ZNF362: variants seen among roughly 807,000 people sequenced by gnomAD.
ZNF362 encodes the protein rotund homolog.
In ZNF362, 11 loss-of-function variants were observed where a neutral mutation model predicts 42.9. The ratio of observed to expected loss-of-function variants is 0.26; its 90% CI spans 0.16 to 0.42. The LOEUF (loss-of-function observed/expected upper bound fraction) is 0.42. ZNF362 is among the 20% of genes least tolerant of loss of function. ZNF362 has a pLI of 1.00. For missense variants in ZNF362, 362 were observed against 576.2 expected, an observed-to-expected ratio of 0.63 and a Z score of 3.81; for synonymous variants, 255 against 257.3, an observed-to-expected ratio of 0.99 and a Z score of 0.09.
At chr1:33,293,680 T>A (rs965599225) in intron 6 of ZNF362, among the ~76,000 whole-genome samples, 2 of 152,178 alleles carry the variant, frequency 1.3e-5, no homozygotes, top group African/African-American at 4.8e-5. Flanking sequence ...ATTTCATTGC[T>A]CACCTGCTTG....
intron 6 of ZNF362, among the ~76,000 whole-genome samples, chr1:33,284,339 G>A (rs540222638): frequency 6.6e-6 from 1 of 152,306 alleles, no homozygotes; most frequent in African/African-American, 2.4e-5. Context: ...GTCTTTAACT[G>A]TGACATTTCT....
At chr1:33,275,725 T>G (rs1645939387) in intron 2 of ZNF362, among the ~76,000 whole-genome samples, 1 of 152,204 alleles carries the variant, frequency 6.6e-6, no homozygotes, top group Non-Finnish European at 1.5e-5. Flanking sequence ...GTCTCTGGAC[T>G]TGGGGGGCCT....
chr1:33,215,561 T>C, the ZNF362 span, among the ~76,000 whole-genome samples: 1 of 152,188 alleles, frequency 6.6e-6, no homozygotes, highest in East Asian at 1.9e-4. Flanking sequence ...AGGCAATGGA[T>C]ACCCTGATTA....
At chr1:33,182,337 T>A in the ZNF362 span, among the ~76,000 whole-genome samples, 2 of 152,260 alleles carry the variant, frequency 1.3e-5, no homozygotes, top group Non-Finnish European at 2.9e-5. Flanking sequence ...ATCATCGATT[T>A]GAAGATGTAG....
chr1:33,273,712 C>T (rs934455067), intron 2 of ZNF362, among the ~76,000 whole-genome samples: 3 of 152,156 alleles, frequency 2.0e-5, no homozygotes, highest in Admixed American at 6.5e-5. Context: ...AAGGTGCCTC[C>T]CTCCTGGTGC....
the ZNF362 span, among the ~76,000 whole-genome samples, chr1:33,133,340 T>C: frequency 6.6e-6 from 1 of 152,244 alleles, no homozygotes; most frequent in African/African-American, 2.4e-5. Flanking sequence ...CACTCTTAAA[T>C]GTCACACCTT....
chr1:33,154,135 CAT>C, the ZNF362 span, among the ~76,000 whole-genome samples: 24 of 151,880 alleles, frequency 1.6e-4, no homozygotes, highest in East Asian at 4.3e-3. Context: ...GAATACAAAA[CAT>C]GTAGATGAGG....
chr1:33,233,897 C>T, the ZNF362 span, among the ~76,000 whole-genome samples: 80 of 152,300 alleles, frequency 5.3e-4, no homozygotes, highest in Admixed American at 7.2e-4. Context: ...GTGTGCCTCA[C>T]TTTCACTCTT....
At chr1:33,159,659 C>T in the ZNF362 span, 41 of 1,586,858 alleles carry the variant, frequency 2.6e-5, no homozygotes, top group East Asian at 2.5e-4. The surrounding 1 kb of genome is among the most constrained non-coding windows in gnomAD (Gnocchi z 4.2). Flanking sequence ...GATGGTCAGC[C>T]GGGGAGGGCC....
chr1:33,236,250 C>T, the ZNF362 span, among the ~76,000 whole-genome samples: 2 of 151,692 alleles, frequency 1.3e-5, no homozygotes, highest in African/African-American at 4.8e-5. Context: ...AAGACAAATG[C>T]TCATAAAACA....
chr1:33,134,663 G>A, the ZNF362 span, among the ~76,000 whole-genome samples: 1 of 152,206 alleles, frequency 6.6e-6, no homozygotes, highest in African/African-American at 2.4e-5. Context: ...CAGGGAAGCT[G>A]TGGCATGGGA....
chr1:33,135,362 T>C, the ZNF362 span, among the ~76,000 whole-genome samples: 9 of 152,176 alleles, frequency 5.9e-5, no homozygotes, highest in African/African-American at 1.4e-4. Flanking sequence ...ACGCTATTCA[T>C]GTGCTTCCCC....
At chr1:33,135,871 G>T in the ZNF362 span, among the ~76,000 whole-genome samples, 3 of 152,152 alleles carry the variant, frequency 2.0e-5, no homozygotes, top group Non-Finnish European at 1.5e-5. Context: ...GAATTGTTGG[G>T]TAAGCGATTG....
chr1:33,169,936 C>T, the ZNF362 span, among the ~76,000 whole-genome samples: 1 of 152,166 alleles, frequency 6.6e-6, no homozygotes, highest in South Asian at 2.1e-4. Flanking sequence ...GTCACCTCCC[C>T]TGGGAGTACA....
chr1:33,159,291 ATAT>A, the ZNF362 span, among the ~76,000 whole-genome samples: 1 of 152,120 alleles, frequency 6.6e-6, no homozygotes, highest in Non-Finnish European at 1.5e-5. The surrounding 1 kb of genome is among the most constrained non-coding windows in gnomAD (Gnocchi z 4.2). Flanking sequence ...TAATATATTT[ATAT>A]TATGATTGTA....
chr1:33,236,523 C>G, the ZNF362 span, among the ~76,000 whole-genome samples: 1 of 17,990 alleles, frequency 5.6e-5, no homozygotes, highest in Non-Finnish European at 1.3e-4. Flanking sequence ...GAACAAGACT[C>G]TGCCTCTTAA....
At chr1:33,134,565 G>T in the ZNF362 span, among the ~76,000 whole-genome samples, 1 of 152,116 alleles carries the variant, frequency 6.6e-6, no homozygotes, top group Non-Finnish European at 1.5e-5. Context: ...AGACACAAGG[G>T]GACCCATGGA....
chr1:33,149,333 T>C, the ZNF362 span, among the ~76,000 whole-genome samples: 1 of 152,134 alleles, frequency 6.6e-6, no homozygotes, highest in Non-Finnish European at 1.5e-5. Context: ...TTTGTATTTT[T>C]AGTAGAGACA....
chr1:33,299,052 C>CT lies in ZNF362; in HGVS notation c.*7dup. On this transcript the variant is annotated 3_prime_UTR_variant, in exon 9 of 9. Transcript: ENST00000539719. Reference sequence around the variant, plus strand: ...TGCGAATCTCTCTCATCTGAGCCCACTGGAGGCGCCGCCCCACCCGGCCCA... The same window carrying CT: ...TGCGAATCTCTCTCATCTGAGCCCACTTGGAGGCGCCGCCCCACCCGGCCCA... The CT allele has an allele frequency of 1.2e-6, 2 of 1,603,512 alleles. No individual in the cohort carries two copies.
Sources: gnomAD v4.1 joint callset for allele counts (sites outside exome capture counted in the v4.1 genomes callset) on GRCh38, gnomAD v4.1.1 for gene constraint, Gnocchi (gnomAD v3.1) non-coding constraint, MANE v1.5 for transcripts, NCBI Gene and HGNC (gene_info 2026-07-23, HGNC 2026-07-21) for gene names.